SUGCT: variants seen among roughly 807,000 people sequenced by gnomAD.
SUGCT encodes the protein succinyl-CoA:glutarate CoA-transferase.
Under a neutral mutation model 55.0 loss-of-function variants are expected in SUGCT, and 41 were observed. The observed-to-expected ratio is 0.74, with a 90% CI of 0.58 to 0.97. The LOEUF is 0.97. Ranked by LOEUF, SUGCT falls within the 50% of genes least tolerant of loss-of-function variation. SUGCT has a pLI of 0.00. For synonymous variants in SUGCT, 187 were observed against 200.4 expected (o/e 0.93, Z 0.56); for missense variants, 568 against 547.8 (o/e 1.04, Z -0.37).
intron 8 of SUGCT, among the ~76,000 whole-genome samples, chr7:40,285,477 G>GT (rs1793268759): frequency 1.7e-5 from 2 of 120,216 alleles, no homozygotes; most frequent in Non-Finnish European, 3.3e-5. Context: ...ATTTATTCTT[G>GT]TTTTTTTCTT....
rs185036245 is a variant in SUGCT at position 40,316,819 on chromosome 7, T to C, written c.780T>C (p.Arg260=). The C allele has an allele frequency of 4.9e-4, 789 of 1,601,552 alleles. 6 individuals are homozygous for C. In the East Asian group the frequency reaches 0.016, roughly 32 times the overall value. ...TTATTGGTCAAAAGGAAGCAAAACG[T>C]TGGGGTACAGCTCATGGCAGTATCG... The part of the protein sequence containing the change: ...NYLIGQKEAK[R]WGTAHGSIVP... The change falls in exon 9 of 14, where the codon CGT becomes CGC. Residue 260 remains arginine, a synonymous_variant. Coordinates refer to ENST00000335693, the MANE Select transcript of SUGCT (RefSeq NM_001193313.2).
chr7:40,248,256 CCA>C (rs1360900139), intron 7 of SUGCT, among the ~76,000 whole-genome samples: 1 of 152,084 alleles, frequency 6.6e-6, no homozygotes, highest in Non-Finnish European at 1.5e-5. Flanking sequence ...GGTGATCTGC[CCA>C]TCTGAGCCTC....
intron 5 of SUGCT, among the ~76,000 whole-genome samples, chr7:40,191,969 G>A (rs768897532): frequency 1.3e-5 from 2 of 151,990 alleles, no homozygotes; most frequent in African/African-American, 4.8e-5. Context: ...TTAGCTGGGC[G>A]TGTTGGTGCG....
intron 1 of SUGCT, among the ~76,000 whole-genome samples, chr7:40,156,426 G>A (rs1333043928): frequency 6.6e-6 from 1 of 152,096 alleles, no homozygotes; most frequent in Non-Finnish European, 1.5e-5. Context: ...TCACGCTACT[G>A]CACTCCAGCC....
intron 13 of SUGCT, among the ~76,000 whole-genome samples, chr7:40,846,268 G>A (rs1394848897): frequency 6.6e-6 from 1 of 152,104 alleles, no homozygotes; most frequent in East Asian, 1.9e-4. Context: ...CAAAGAAGAG[G>A]AAGAATTGAT....
the SUGCT span, among the ~76,000 whole-genome samples, chr7:40,914,280 T>TTTTC: frequency 8.4e-5 from 12 of 143,324 alleles, no homozygotes; most frequent in Middle Eastern, 7.1e-3. Context: ...TTCTTTTTCT[T>TTTTC]TTTTTTTTTT....
chr7:40,950,743 A>G, the SUGCT span, among the ~76,000 whole-genome samples: 1 of 152,146 alleles, frequency 6.6e-6, no homozygotes, highest in Non-Finnish European at 1.5e-5. Context: ...GGTTCTGTTT[A>G]TATGCTGGAT....
intron 12 of SUGCT, among the ~76,000 whole-genome samples, chr7:40,631,455 A>T (rs903157761): frequency 2.0e-5 from 3 of 152,176 alleles, no homozygotes; most frequent in Admixed American, 2.0e-4. Context: ...CAAATTCAAC[A>T]TTTGATGGTT....
chr7:40,772,845 G>A (rs369808051), intron 13 of SUGCT, among the ~76,000 whole-genome samples: 5 of 151,480 alleles, frequency 3.3e-5, no homozygotes, highest in Admixed American at 6.6e-5. Flanking sequence ...GGCTGGTCTC[G>A]AACTCCTGGG....
chr7:40,829,012 A>G (rs1310477799), intron 13 of SUGCT, among the ~76,000 whole-genome samples: 2 of 152,206 alleles, frequency 1.3e-5, no homozygotes, highest in Admixed American at 1.3e-4. Flanking sequence ...AGCAGGATGC[A>G]GCAAAGACAC....
the SUGCT span, among the ~76,000 whole-genome samples, chr7:40,897,426 G>GACACAC: frequency 8.5e-3 from 1,271 of 148,874 alleles, 6 homozygotes; most frequent in Middle Eastern, 0.021. Flanking sequence ...AATAAAGCTG[G>GACACAC]ACACACACAC....
the SUGCT span, among the ~76,000 whole-genome samples, chr7:40,899,913 T>A: frequency 6.6e-6 from 1 of 152,150 alleles, no homozygotes; most frequent in South Asian, 2.1e-4. Flanking sequence ...TAAATTAAGC[T>A]TCATTATAAA....
intron 6 of SUGCT, among the ~76,000 whole-genome samples, chr7:40,232,684 C>T (rs561163067): frequency 6.6e-6 from 1 of 152,248 alleles, no homozygotes; most frequent in African/African-American, 2.4e-5. Flanking sequence ...TTACCAACGT[C>T]TAGAAATTCA....
intron 13 of SUGCT, among the ~76,000 whole-genome samples, chr7:40,797,829 C>A (rs2128748956): frequency 6.6e-6 from 1 of 152,322 alleles, no homozygotes; most frequent in Non-Finnish European, 1.5e-5. Context: ...ATGCCCTTTG[C>A]TTATAGGTCA....
intron 9 of SUGCT, among the ~76,000 whole-genome samples, chr7:40,337,222 C>T (rs1270149857): frequency 6.6e-6 from 1 of 152,172 alleles, no homozygotes; most frequent in Non-Finnish European, 1.5e-5. Context: ...AATGTATATT[C>T]TGCTGATTTG....
intron 9 of SUGCT, among the ~76,000 whole-genome samples, chr7:40,358,606 C>T (rs1403486865): frequency 2.0e-5 from 3 of 151,872 alleles, no homozygotes; most frequent in Admixed American, 6.6e-5. Flanking sequence ...CCCAGCTACT[C>T]GGAAGGTTGA....
intron 9 of SUGCT, among the ~76,000 whole-genome samples, chr7:40,327,881 A>G (rs1796098454): frequency 6.6e-6 from 1 of 152,176 alleles, no homozygotes; most frequent in African/African-American, 2.4e-5. Context: ...TATTAAATCA[A>G]TATTTACCAC....
In SUGCT at chr7:40,614,812, C is replaced by T. The variant is rs528661110; in HGVS notation, c.1089+118426C>T. On this transcript the variant is annotated intron_variant, in intron 12 of 13. Coordinates refer to ENST00000335693, the MANE Select transcript of SUGCT (RefSeq NM_001193313.2). ...ATGTGGCTCACGCCTGTAATCCCAGCGCTTTGGGAGGCCAATGTGGATGGA... is the reference window on the plus strand; with the variant it reads ...ATGTGGCTCACGCCTGTAATCCCAGTGCTTTGGGAGGCCAATGTGGATGGA... Among the ~76,000 whole-genome samples, 24 of 152,180 alleles carry T rather than the reference C, an allele frequency of 1.6e-4. No homozygotes were observed. The East Asian group carries it at 1.7e-3, about 11-fold the overall frequency.
intron 12 of SUGCT, among the ~76,000 whole-genome samples, chr7:40,617,224 G>T (rs888103430): frequency 1.2e-4 from 19 of 152,090 alleles, no homozygotes; most frequent in African/African-American, 4.6e-4. Flanking sequence ...GAAAACCTTT[G>T]TCATAAGGGG....
Sources: allele counts gnomAD v4.1 joint callset (sites outside exome capture counted in the v4.1 genomes callset), GRCh38; gene constraint gnomAD v4.1.1; transcripts MANE v1.5; gene names NCBI Gene and HGNC (gene_info 2026-07-23, HGNC 2026-07-21).